Variants in TGFBR1 observed in about 807,000 individuals in gnomAD.
The protein encoded by TGFBR1 is TGF-beta receptor type-1.
A neutral mutation model predicts 55.1 loss-of-function variants in TGFBR1; 20 were observed. The observed-to-expected ratio is 0.36, with a 90% CI of 0.26 to 0.53. The LOEUF is 0.53. Among genes scored for constraint, TGFBR1 ranks in the 20% least tolerant of loss-of-function variants. The pLI is 0.91. For missense variants in TGFBR1, 385 were observed against 617.6 expected, an observed-to-expected ratio of 0.62 and a Z score of 3.99; for synonymous variants, 220 against 214.8, an observed-to-expected ratio of 1.02 and a Z score of -0.21.
At chr9:99,109,253 G>T (rs1011138123) in intron 1 of TGFBR1, among the ~76,000 whole-genome samples, 3 of 152,096 alleles carry the variant, frequency 2.0e-5, no homozygotes, top group African/African-American at 7.2e-5. Flanking sequence ...CTGATAAAAG[G>T]ACCTGGTATA....
chr9:99,136,099 A>G (rs1827430571), intron 3 of TGFBR1, among the ~76,000 whole-genome samples: 1 of 152,064 alleles, frequency 6.6e-6, no homozygotes, highest in African/African-American at 2.4e-5. Flanking sequence ...TAGTGATCCA[A>G]CCACGTCGGC....
At chr9:99,146,374 T>C (rs965897676) in intron 6 of TGFBR1, 111 bp from the exon 7 acceptor site, 11 of 1,225,976 alleles carry the variant, frequency 9.0e-6, no homozygotes, top group South Asian at 1.2e-5. Flanking sequence ...ATATTTGTTA[T>C]GTAATATTGT....
Position 99,138,007 on chromosome 9 carries a change from G to A in TGFBR1, c.723G>A (p.Ser241=), listed in dbSNP as rs201112150. Residue 241 remains serine (S), a synonymous_variant, in exon 4 of 9, where the codon TCG becomes TCA. Coordinates refer to ENST00000374994, the MANE Select transcript of TGFBR1 (RefSeq NM_004612.4). ...VKIFSSREER[S]WFREAEIYQT... is the part of the protein sequence containing the mutation. ...TATTCTCCTCTAGAGAAGAACGTTC[G>A]TGGTTCCGTGAGGCAGAGATTTATC... 14 of 1,614,048 alleles carry A rather than the reference G, an allele frequency of 8.7e-6. No individual in the cohort carries two copies. Among genetic ancestry groups the A allele is most frequent in the South Asian group, 1.1e-5 (1 of 91,068 alleles).
Position 99,146,629 on chromosome 9 carries a change from CCCAG to C in TGFBR1, c.1255+21_1255+24del. On this transcript the variant is annotated intron_variant, in intron 7 of 8. Coordinates refer to ENST00000374994, the MANE Select transcript of TGFBR1 (RefSeq NM_004612.4). ...TTGGTGGTAAATTGCTCTCCTCTCCCCCAGTAGTTTGTCATGAGCAGAAGTTGTT... is the reference window on the plus strand; with the variant it reads ...TTGGTGGTAAATTGCTCTCCTCTCCCTAGTTTGTCATGAGCAGAAGTTGTT... 1 of 1,613,780 alleles carries C rather than the reference CCCAG, an allele frequency of 6.2e-7. No homozygotes were observed. The highest frequency in any genetic ancestry group is 8.5e-7 in the Non-Finnish European group (1 of 1,179,776).
At chr9:99,139,032 G>A (rs920354300) in intron 4 of TGFBR1, among the ~76,000 whole-genome samples, 1 of 151,774 alleles carries the variant, frequency 6.6e-6, no homozygotes, top group African/African-American at 2.4e-5. Context: ...TCTTGACCTC[G>A]TGATCCACCC....
At chr9:99,147,359 A>G (rs544586983) in intron 7 of TGFBR1, among the ~76,000 whole-genome samples, 13 of 152,322 alleles carry the variant, frequency 8.5e-5, no homozygotes, top group South Asian at 4.1e-4. Context: ...TTGCTGCACA[A>G]TAGGGTTCTA....
intron 1 of TGFBR1, among the ~76,000 whole-genome samples, chr9:99,126,368 G>A (rs989818363): frequency 1.9e-4 from 29 of 152,120 alleles, no homozygotes; most frequent in African/African-American, 3.4e-4. Context: ...TATGTATAGC[G>A]GTTACCACAT....
chr9:99,104,130 A>G (rs1293194895), upstream of TGFBR1: 1 of 152,186 alleles, frequency 6.6e-6, no homozygotes, highest in Non-Finnish European at 1.5e-5. Context: ...CTCGCAGTAA[A>G]TTAGGAATTC....
intron 2 of TGFBR1, among the ~76,000 whole-genome samples, chr9:99,129,890 C>G (rs1827166462): frequency 6.6e-6 from 1 of 151,708 alleles, no homozygotes; most frequent in Non-Finnish European, 1.5e-5. Flanking sequence ...CAGAGTGAGG[C>G]TCTGTCTAAA....
chr9:99,137,018 G>C (rs1044719118), intron 3 of TGFBR1, among the ~76,000 whole-genome samples: 1 of 152,230 alleles, frequency 6.6e-6, no homozygotes, highest in South Asian at 2.1e-4. Flanking sequence ...AATGTTGCAG[G>C]TAAGTTAGTA....
chr9:99,128,677 T>C lies in TGFBR1; in HGVS notation c.98-178T>C, dbSNP rs748284211. 6 of 838,316 alleles carry C rather than the reference T, an allele frequency of 7.2e-6. 1 individual carries two copies. In the South Asian group the frequency reaches 8.6e-5, roughly 12 times the overall value. 51.9% of individuals were successfully genotyped at this position (838,316 alleles called of 1,614,324 possible). On this transcript the variant is annotated intron_variant, in intron 1 of 8. Transcript: ENST00000374994. ...TTGGGCTTCCACGTGTATGTGGTTC[T>C]TAATATAATTTGAAACTTCTAAGAG...
chr9:99,147,149 C>A (rs1340148897), intron 7 of TGFBR1, among the ~76,000 whole-genome samples: 1 of 152,046 alleles, frequency 6.6e-6, no homozygotes, highest in Non-Finnish European at 1.5e-5. Context: ...TTGGCTGAGA[C>A]CTAGTGCCTT....
chr9:99,137,781 A>T, intron 3 of TGFBR1, 78 bp from the exon 4 acceptor site: 1 of 1,153,808 alleles, frequency 8.7e-7, no homozygotes, highest in Non-Finnish European at 1.3e-6. Context: ...TTTCTGGGTC[A>T]CTCATTAGTG....
At chr9:99,125,951 C>G (rs756615251) in intron 1 of TGFBR1, among the ~76,000 whole-genome samples, 15 of 151,994 alleles carry the variant, frequency 9.9e-5, no homozygotes, top group Non-Finnish European at 4.4e-5. Flanking sequence ...AATGAAAGAC[C>G]CTTTAACAGC....
At chr9:99,131,321 G>A (rs1264537004) in intron 2 of TGFBR1, among the ~76,000 whole-genome samples, 3 of 152,054 alleles carry the variant, frequency 2.0e-5, no homozygotes, top group Admixed American at 6.6e-5. Flanking sequence ...ATATACAAAG[G>A]CAACAGCCTT....
intron 4 of TGFBR1, among the ~76,000 whole-genome samples, chr9:99,142,146 C>T (rs1050218317): frequency 6.6e-6 from 1 of 152,218 alleles, no homozygotes; most frequent in African/African-American, 2.4e-5. Context: ...GCTTCCCTCT[C>T]TGTTCCTTCC....
intron 3 of TGFBR1, among the ~76,000 whole-genome samples, chr9:99,136,744 A>C (rs1000596540): frequency 3.9e-5 from 6 of 152,116 alleles, no homozygotes; most frequent in Admixed American, 3.9e-4. Context: ...TAACGTTTGG[A>C]TTTATAAGCA....
chr9:99,121,209 A>G (rs1826888981), intron 1 of TGFBR1, among the ~76,000 whole-genome samples: 1 of 152,124 alleles, frequency 6.6e-6, no homozygotes, highest in Admixed American at 6.6e-5. Context: ...CTAGAGGAAA[A>G]TTTTATGTAC....
chr9:99,112,941 G>C (rs917265055), intron 1 of TGFBR1, among the ~76,000 whole-genome samples: 1 of 148,774 alleles, frequency 6.7e-6, no homozygotes, highest in Non-Finnish European at 1.5e-5. Context: ...CTCTCTCTCT[G>C]TCTTTCTCTT....
Sources: allele counts gnomAD v4.1 joint callset (sites outside exome capture counted in the v4.1 genomes callset), GRCh38; gene constraint gnomAD v4.1.1; transcripts MANE v1.5; gene names NCBI Gene and HGNC (gene_info 2026-07-23, HGNC 2026-07-21).